ADAMTS6: variants seen among roughly 807,000 people sequenced by gnomAD.
The protein encoded by ADAMTS6 is ADAM metallopeptidase with thrombospondin type 1 motif 6, also known as A disintegrin and metalloproteinase with thrombospondin motifs 6.
A neutral mutation model predicts 144.3 loss-of-function variants in ADAMTS6; 23 were observed. The ratio of observed to expected loss-of-function variants is 0.16; its 90% CI spans 0.11 to 0.23. The LOEUF is 0.23. ADAMTS6 is among the 10% of genes least tolerant of loss of function. The probability of loss-of-function intolerance (pLI) is 1.00; values close to 1 mark genes in which losing one functional copy is unlikely to be tolerated. For missense variants in ADAMTS6, 999 were observed against 1,379.6 expected (o/e 0.72, Z 4.37); for synonymous variants, 444 against 457.5 (o/e 0.97, Z 0.38).
chr5:65,158,603 A>C (rs1027401012), intron 24 of ADAMTS6, among the ~76,000 whole-genome samples: 3 of 152,312 alleles, frequency 2.0e-5, no homozygotes, highest in Admixed American at 2.0e-4. Context: ...GTTAGTCCCA[A>C]CTGACATATG....
At chr5:65,342,064 A>C (rs993337784) in intron 7 of ADAMTS6, among the ~76,000 whole-genome samples, 1 of 152,210 alleles carries the variant, frequency 6.6e-6, no homozygotes, top group Non-Finnish European at 1.5e-5. Flanking sequence ...GTCATATATC[A>C]CATGAATAGA....
chr5:65,173,124 G>A, intron 22 of ADAMTS6, 116 bp from the exon 23 acceptor site: 6 of 992,330 alleles, frequency 6.0e-6, no homozygotes, highest in Non-Finnish European at 8.7e-6. Flanking sequence ...CATATACTAA[G>A]TTCTAGGCAA....
chr5:65,207,974 G>A (rs1387176584), intron 20 of ADAMTS6, among the ~76,000 whole-genome samples: 1 of 152,184 alleles, frequency 6.6e-6, no homozygotes, highest in Admixed American at 6.5e-5. Flanking sequence ...CCAAGTGAAG[G>A]AAAACTGTAA....
intron 22 of ADAMTS6, among the ~76,000 whole-genome samples, chr5:65,185,800 G>T (rs1754644084): frequency 6.6e-6 from 1 of 152,116 alleles, no homozygotes; most frequent in Non-Finnish European, 1.5e-5. Flanking sequence ...AATAGAATTT[G>T]GAATGGAAGC....
chr5:65,218,785 T>G (rs1452667397), intron 18 of ADAMTS6, among the ~76,000 whole-genome samples: 1 of 152,028 alleles, frequency 6.6e-6, no homozygotes, highest in Non-Finnish European at 1.5e-5. Flanking sequence ...AACCATATAT[T>G]GTGGGATTTA....
At chr5:65,403,744 T>G (rs1281281985) in intron 7 of ADAMTS6, among the ~76,000 whole-genome samples, 1 of 152,062 alleles carries the variant, frequency 6.6e-6, no homozygotes, top group African/African-American at 2.4e-5. Flanking sequence ...ACATGTAAAA[T>G]AGCAATTCCC....
intron 7 of ADAMTS6, among the ~76,000 whole-genome samples, chr5:65,421,344 C>T (rs947852751): frequency 1.3e-5 from 2 of 152,114 alleles, no homozygotes; most frequent in Non-Finnish European, 2.9e-5. Context: ...TTGCTGGATA[C>T]AAAATTCATG....
intron 7 of ADAMTS6, among the ~76,000 whole-genome samples, chr5:65,440,606 G>C (rs1042580103): frequency 3.3e-5 from 5 of 152,198 alleles, no homozygotes; most frequent in African/African-American, 1.2e-4. Flanking sequence ...TAACTATTCA[G>C]TTGAGTGTGA....
intron 7 of ADAMTS6, among the ~76,000 whole-genome samples, chr5:65,407,585 G>A (rs558049613): frequency 0.029 from 4,185 of 146,200 alleles, 204 homozygotes; most frequent in African/African-American, 0.099. Flanking sequence ...GAGAACATGC[G>A]GTGTTTGGTT....
At chr5:65,383,980 A>G (rs1023749993) in intron 7 of ADAMTS6, among the ~76,000 whole-genome samples, 3 of 152,088 alleles carry the variant, frequency 2.0e-5, no homozygotes, top group African/African-American at 7.2e-5. Flanking sequence ...GGCACAACTA[A>G]ATCTGTGAAG....
intron 7 of ADAMTS6, chr5:65,451,167 T>C (rs77999720): frequency 7.7e-5 from 16 of 206,968 alleles, no homozygotes; most frequent in Admixed American, 5.7e-4. Flanking sequence ...TGTTTTAGTA[T>C]GTATTTTGTT....
chr5:65,342,331 G>A lies in ADAMTS6; in HGVS notation c.1074-8246C>T, dbSNP rs558674966. On this transcript the variant is annotated intron_variant, in intron 7 of 24. Transcript: ENST00000381055. ...GGTGAAAGGCATGTCTCACATGGTGGCAGACAAGAGAAGAAGGCTTGTGTA... is the reference window on the plus strand; with the variant it reads ...GGTGAAAGGCATGTCTCACATGGTGACAGACAAGAGAAGAAGGCTTGTGTA... 8.4e-4 allele frequency among the ~76,000 whole-genome samples: 128 copies of A among 152,242 alleles called. 1 individual carries two copies. Among genetic ancestry groups the A allele is most frequent in the African/African-American group, 3.0e-3 (125 of 41,542 alleles).
chr5:65,297,027 G>A (rs1395720180), intron 10 of ADAMTS6: 2 of 328,768 alleles, frequency 6.1e-6, no homozygotes, highest in African/African-American at 4.4e-5. Flanking sequence ...ATGAGTGTGA[G>A]CCATAATACC....
intron 7 of ADAMTS6, among the ~76,000 whole-genome samples, chr5:65,371,843 A>G (rs1203029651): frequency 1.3e-5 from 2 of 152,150 alleles, no homozygotes; most frequent in Non-Finnish European, 2.9e-5. Flanking sequence ...AGTTTAAATG[A>G]AGGAAAAAAT....
chr5:65,347,070 C>T (rs1013878087), intron 7 of ADAMTS6, among the ~76,000 whole-genome samples: 6 of 151,558 alleles, frequency 4.0e-5, no homozygotes, highest in African/African-American at 1.5e-4. Context: ...GAAAGATAGC[C>T]CATGTTCATG....
rs933111765 is a variant in ADAMTS6 at position 65,366,983 on chromosome 5, C to A, written c.1074-32898G>T. On this transcript the variant is annotated intron_variant, in intron 7 of 24. Coordinates refer to ENST00000381055, the MANE Select transcript of ADAMTS6 (RefSeq NM_197941.4). Reference sequence around the variant, plus strand: ...TCTCATTCCAAGAAAAAGAATGATGCGGGGGGTGGGGAGACTTTTTAAATA... The same window carrying A: ...TCTCATTCCAAGAAAAAGAATGATGAGGGGGGTGGGGAGACTTTTTAAATA... Among the ~76,000 whole-genome samples, 3 of 152,090 alleles carry A rather than the reference C, an allele frequency of 2.0e-5. No homozygotes were observed. In the South Asian group the frequency reaches 6.2e-4, roughly 32 times the overall value.
At chr5:65,385,791 C>T (rs1313745528) in intron 7 of ADAMTS6, among the ~76,000 whole-genome samples, 5 of 152,028 alleles carry the variant, frequency 3.3e-5, no homozygotes, top group East Asian at 1.9e-4. Flanking sequence ...TTTTATAATA[C>T]ATGAGAAGAA....
At chr5:65,194,945 T>G (rs923894432) in intron 21 of ADAMTS6, among the ~76,000 whole-genome samples, 2 of 152,184 alleles carry the variant, frequency 1.3e-5, no homozygotes, top group Non-Finnish European at 2.9e-5. Flanking sequence ...TGGGATGAAA[T>G]GACCAACAAC....
intron 10 of ADAMTS6, among the ~76,000 whole-genome samples, chr5:65,293,460 A>C (rs1397825491): frequency 6.6e-6 from 1 of 152,142 alleles, no homozygotes; most frequent in African/African-American, 2.4e-5. Flanking sequence ...ATTTTATTTA[A>C]ATTTTAAAAT....
Sources: gnomAD v4.1 joint callset for allele counts (sites outside exome capture counted in the v4.1 genomes callset) on GRCh38, gnomAD v4.1.1 for gene constraint, MANE v1.5 for transcripts, NCBI Gene and HGNC (gene_info 2026-07-23, HGNC 2026-07-21) for gene names.